Variants in RBKS observed in about 807,000 individuals in gnomAD.
RBKS encodes the protein ribokinase.
A neutral mutation model predicts 33.9 loss-of-function variants in RBKS; 33 were observed. The observed-to-expected ratio is 0.97, with a 90% CI of 0.74 to 1.30. The LOEUF (loss-of-function observed/expected upper bound fraction) is 1.30. Ranked by LOEUF, RBKS falls within the 50% of genes most tolerant of loss-of-function variation. The pLI is 0.00. For missense variants in RBKS, 361 were observed against 392.6 expected (o/e 0.92, Z 0.68); for synonymous variants, 125 against 143.0 (o/e 0.87, Z 0.90).
intron 7 of RBKS, among the ~76,000 whole-genome samples, chr2:27,818,092 T>C (rs548146987): frequency 1.3e-5 from 2 of 152,206 alleles, no homozygotes; most frequent in Admixed American, 1.3e-4. Context: ...CCATTCTGCT[T>C]AATGGTGGGT....
In RBKS at chr2:27,810,023, T is replaced by C. The variant is rs1180170521; in HGVS notation, c.795+17544A>G. 5 of 1,304,176 alleles carry C rather than the reference T, an allele frequency of 3.8e-6. No individual in the cohort carries two copies. The highest frequency in any genetic ancestry group is 4.0e-6 in the Non-Finnish European group (4 of 988,972). The allele number at this position is 1,304,176 out of a possible 1,614,324, so 80.8% of individuals were successfully genotyped here. A position where few individuals can be genotyped will look rare whatever the true frequency, so the allele number is the denominator to read the frequency against. On this transcript the variant is annotated intron_variant, in intron 7 of 7. Coordinates refer to ENST00000302188, the MANE Select transcript of RBKS (RefSeq NM_022128.3). This position sits in a 1 kb window ranked among gnomAD's most constrained non-coding sequence, Gnocchi z 4.4. ...CTTCTTCACACTTGCTGCTTCACTC[T>C]TGGGTCTTGAGCCAGGTCTACACTG...
chr2:27,783,975 CTTTTTTTTTTTT>C (rs1161206494), intron 7 of RBKS, among the ~76,000 whole-genome samples: 6 of 55,312 alleles, frequency 1.1e-4, no homozygotes, highest in Non-Finnish European at 2.1e-4. Context: ...GGGTCATTTT[CTTTTTTTTTTTT>C]TTTTTTTTTT....
chr2:27,861,625 T>G (rs1663985776), intron 1 of RBKS: 7 of 462,106 alleles, frequency 1.5e-5, no homozygotes, highest in Middle Eastern at 6.6e-4. Flanking sequence ...AAGAAAATAA[T>G]TCACGGAATA....
At chr2:27,829,493 T>C (rs575437261) in intron 6 of RBKS, among the ~76,000 whole-genome samples, 1 of 150,952 alleles carries the variant, frequency 6.6e-6, no homozygotes, top group East Asian at 2.0e-4. Flanking sequence ...TTCAGCCTCC[T>C]GAGTAGCTGG....
At chr2:27,786,086 T>C (rs542596860) in intron 7 of RBKS, among the ~76,000 whole-genome samples, 36 of 152,204 alleles carry the variant, frequency 2.4e-4, no homozygotes, top group Admixed American at 7.2e-4. Context: ...ATGATCCCAT[T>C]TGGGGGAAAA....
intron 7 of RBKS, among the ~76,000 whole-genome samples, chr2:27,798,199 T>A (rs13394393): frequency 1.3e-5 from 2 of 152,106 alleles, no homozygotes; most frequent in East Asian, 3.8e-4. Flanking sequence ...TTGGGGGGTA[T>A]GTAGCCATAC....
intron 7 of RBKS, 120 bp from the exon 8 acceptor site, chr2:27,781,908 G>A: frequency 1.2e-6 from 1 of 859,386 alleles, no homozygotes; most frequent in Admixed American, 3.2e-5. Flanking sequence ...AAAGGTACAA[G>A]GATAATACAG....
At chr2:27,873,257 G>A (rs1291179612) in intron 1 of RBKS, among the ~76,000 whole-genome samples, 1 of 152,216 alleles carries the variant, frequency 6.6e-6, no homozygotes, top group South Asian at 2.1e-4. Flanking sequence ...GCTGTCAATA[G>A]GGTTAAAGTT....
chr2:27,799,003 T>C (rs912342910), intron 7 of RBKS, among the ~76,000 whole-genome samples: 2 of 152,144 alleles, frequency 1.3e-5, no homozygotes, highest in African/African-American at 2.4e-5. Context: ...CACCTCCCTG[T>C]CCTGAGACCT....
rs1371674668 is a variant in RBKS, at chr2:27,837,267, C to T, written c.515-4490G>A. On this transcript the variant is annotated intron_variant, in intron 5 of 7. Transcript: ENST00000302188. This position sits in a 1 kb window ranked among gnomAD's most constrained non-coding sequence, Gnocchi z 4.0. ...CCAGCCTGGGCGATAGAGCGAGACT[C>T]CATCTCAAAAAACAAAACAAAACAA... Among the ~76,000 whole-genome samples, 1 of 150,674 alleles carries T rather than the reference C, an allele frequency of 6.6e-6. No individual in the cohort carries two copies. The highest frequency in any genetic ancestry group is 1.5e-5 in the Non-Finnish European group (1 of 67,996).
At chr2:27,809,180 A>T (rs966243567) in intron 7 of RBKS, among the ~76,000 whole-genome samples, 1 of 152,222 alleles carries the variant, frequency 6.6e-6, no homozygotes, top group African/African-American at 2.4e-5. Flanking sequence ...CCTGAGGAAC[A>T]TGTGAAGGAC....
Position 27,786,196 on chromosome 2 carries a change from A to G in RBKS, c.796-4408T>C, listed in dbSNP as rs565289891. Among the ~76,000 whole-genome samples the G allele has an allele frequency of 1.2e-4, 19 of 152,298 alleles. No individual in the cohort carries two copies. In the South Asian group the frequency reaches 2.7e-3, roughly 22 times the overall value. On this transcript the variant is annotated intron_variant, in intron 7 of 7. Coordinates refer to ENST00000302188, the MANE Select transcript of RBKS (RefSeq NM_022128.3). ...AATGAAGGATATGTATCAAATTGTG[A>G]ATATTTGGTTTTCTTATGTGCAAGG...
chr2:27,829,363 G>GTTTTTT (rs35216618), intron 6 of RBKS, among the ~76,000 whole-genome samples: 3 of 107,382 alleles, frequency 2.8e-5, no homozygotes, highest in African/African-American at 7.6e-5. Flanking sequence ...GCTTTTCAGT[G>GTTTTTT]TTTTTTTTTT....
At chr2:27,783,779 C>T (rs1677334042) in intron 7 of RBKS, among the ~76,000 whole-genome samples, 3 of 150,824 alleles carry the variant, frequency 2.0e-5, no homozygotes, top group South Asian at 2.1e-4. Context: ...AGGTGGTGGA[C>T]GCCTGTAGTC....
At chr2:27,888,291 C>G (rs1021800762) in intron 1 of RBKS, among the ~76,000 whole-genome samples, 8 of 152,110 alleles carry the variant, frequency 5.3e-5, no homozygotes, top group African/African-American at 1.7e-4. Flanking sequence ...CCATGCCCAG[C>G]TAATTTTTGT....
At chr2:27,807,803 T>C (rs1009826724) in intron 7 of RBKS, among the ~76,000 whole-genome samples, 2 of 152,024 alleles carry the variant, frequency 1.3e-5, no homozygotes, top group African/African-American at 4.8e-5. Context: ...CAGAAATAAA[T>C]ATGTAGTATT....
At chr2:27,789,843 G>A (rs1369564988) in intron 7 of RBKS, among the ~76,000 whole-genome samples, 1 of 150,146 alleles carries the variant, frequency 6.7e-6, no homozygotes, top group African/African-American at 2.5e-5. Flanking sequence ...GATTACAGGC[G>A]TGAACCACCA....
intron 7 of RBKS, among the ~76,000 whole-genome samples, chr2:27,811,366 G>A (rs1677982629): frequency 6.6e-6 from 1 of 152,234 alleles, no homozygotes; most frequent in Non-Finnish European, 1.5e-5. Context: ...TGTGGCATGT[G>A]GAAAATTCAG....
At chr2:27,789,894 GT>G (rs1285902143) in intron 7 of RBKS, among the ~76,000 whole-genome samples, 2 of 140,806 alleles carry the variant, frequency 1.4e-5, no homozygotes, top group Non-Finnish European at 3.1e-5. Flanking sequence ...GTGTGTGTGT[GT>G]ATAGAGTGTG....
Sources: gnomAD v4.1 joint callset for allele counts (sites outside exome capture counted in the v4.1 genomes callset) on GRCh38, gnomAD v4.1.1 for gene constraint, Gnocchi (gnomAD v3.1) non-coding constraint, MANE v1.5 for transcripts, NCBI Gene and HGNC (gene_info 2026-07-23, HGNC 2026-07-21) for gene names.